The following XKR6 variants were observed in gnomAD, a reference collection of about 807,000 sequenced individuals.
The protein encoded by XKR6 is XK related 6, also known as XK-related protein 6.
Under a neutral mutation model 56.7 loss-of-function variants are expected in XKR6, and 22 were observed. The ratio of observed to expected loss-of-function variants is 0.39; its 90% CI spans 0.28 to 0.55. The LOEUF (loss-of-function observed/expected upper bound fraction) is 0.55. XKR6 is among the 20% of genes least tolerant of loss of function. The pLI is 0.66. For synonymous variants in XKR6, 524 were observed against 387.8 expected (o/e 1.35, Z -4.13); for missense variants, 852 against 889.0 (o/e 0.96, Z 0.53).
intron 1 of XKR6, among the ~76,000 whole-genome samples, chr8:11,116,900 T>C (rs1799204269): frequency 6.6e-6 from 1 of 152,138 alleles, no homozygotes; most frequent in Admixed American, 6.6e-5. Flanking sequence ...TTTAGGCCTT[T>C]GATGATAAAA....
intron 1 of XKR6, among the ~76,000 whole-genome samples, chr8:11,165,636 T>C (rs1802035833): frequency 6.6e-6 from 1 of 152,162 alleles, no homozygotes; most frequent in African/African-American, 2.4e-5. Flanking sequence ...TCAAAATAAA[T>C]GCAGTGTATT....
chr8:10,983,468 T>C (rs1230838839), intron 1 of XKR6, among the ~76,000 whole-genome samples: 5 of 151,856 alleles, frequency 3.3e-5, no homozygotes, highest in Admixed American at 1.3e-4. Context: ...AACCAACCTC[T>C]GGAAAGATAG....
At chr8:11,173,400 TATATATATACATA>T (rs1411294900) in intron 1 of XKR6, among the ~76,000 whole-genome samples, 2 of 150,014 alleles carry the variant, frequency 1.3e-5, no homozygotes, top group Non-Finnish European at 3.0e-5. Flanking sequence ...TATATATACA[TATATATATACATA>T]TACATATATA....
At chr8:10,977,351 T>G (rs1056359191) in intron 1 of XKR6, among the ~76,000 whole-genome samples, 1 of 151,994 alleles carries the variant, frequency 6.6e-6, no homozygotes, top group Non-Finnish European at 1.5e-5. Flanking sequence ...GGTGGCCAAC[T>G]GGAGAATACA....
chr8:11,035,126 C>T, intron 1 of XKR6: 1 of 507,740 alleles, frequency 2.0e-6, no homozygotes, highest in Non-Finnish European at 4.1e-6. Context: ...TAAAGGGCTG[C>T]CATGAGGTCG....
chr8:10,908,930 C>T (rs1407870249), intron 2 of XKR6, among the ~76,000 whole-genome samples: 2 of 152,106 alleles, frequency 1.3e-5, no homozygotes, highest in African/African-American at 2.4e-5. Context: ...TTTGGGAGGC[C>T]GAGGTGGGCA....
intron 1 of XKR6, among the ~76,000 whole-genome samples, chr8:11,181,760 T>C (rs1046432706): frequency 6.6e-6 from 1 of 152,214 alleles, no homozygotes; most frequent in South Asian, 2.1e-4. Context: ...ACTTACTATA[T>C]GCATCAAGCA....
At chr8:11,142,017 A>G (rs1371080328) in intron 1 of XKR6, among the ~76,000 whole-genome samples, 1 of 150,252 alleles carries the variant, frequency 6.7e-6, no homozygotes, top group Non-Finnish European at 1.5e-5. Context: ...TTTATATACT[A>G]CATTCCAAAA....
chr8:11,104,376 T>TCCTTGACACAGTATATATACAGC (rs1435318673), intron 1 of XKR6, among the ~76,000 whole-genome samples: 1 of 152,260 alleles, frequency 6.6e-6, no homozygotes, highest in Non-Finnish European at 1.5e-5. Context: ...GGAAATTTTC[T>TCCTTGACACAGTATATATACAGC]CCTTGACACA....
intron 1 of XKR6, among the ~76,000 whole-genome samples, chr8:11,195,802 C>A (rs1380235204): frequency 6.6e-6 from 1 of 151,896 alleles, no homozygotes; most frequent in Non-Finnish European, 1.5e-5. Context: ...GCGCCCGCCA[C>A]CACGCCCGGC....
At chr8:11,056,268 G>A (rs773097828) in intron 1 of XKR6, among the ~76,000 whole-genome samples, 10 of 152,210 alleles carry the variant, frequency 6.6e-5, no homozygotes, top group Admixed American at 1.3e-4. Context: ...TTATTTATGC[G>A]TTTACTGGGA....
At chr8:11,038,404 G>T (rs1218027805) in intron 1 of XKR6, among the ~76,000 whole-genome samples, 1 of 152,166 alleles carries the variant, frequency 6.6e-6, no homozygotes, top group Non-Finnish European at 1.5e-5. Flanking sequence ...TTAAATCAGA[G>T]AGCAGGGACA....
At position 11,191,330 on chromosome 8, in the gene XKR6, C is replaced by T. The variant is rs147564040; in HGVS notation, c.764+9246G>A. Among the ~76,000 whole-genome samples, 5 of 152,192 alleles carry T rather than the reference C, an allele frequency of 3.3e-5. No individual in the cohort carries two copies. The East Asian group carries it at 5.8e-4, about 18-fold the overall frequency. ...AAAGACACTAAAACCATAAGGTAAACGGTATTTAGGAAAAGAGACACTGAT... is the reference window on the plus strand; with the variant it reads ...AAAGACACTAAAACCATAAGGTAAATGGTATTTAGGAAAAGAGACACTGAT... On this transcript the variant is annotated intron_variant, in intron 1 of 2. Coordinates refer to ENST00000416569, the MANE Select transcript of XKR6 (RefSeq NM_173683.4).
At chr8:11,033,135 G>C (rs575774054) in intron 1 of XKR6, among the ~76,000 whole-genome samples, 2 of 152,092 alleles carry the variant, frequency 1.3e-5, no homozygotes, top group African/African-American at 4.8e-5. Flanking sequence ...TGGTAATGAT[G>C]ATGATGGTAA....
intron 1 of XKR6, among the ~76,000 whole-genome samples, chr8:11,060,547 T>C (rs7823450): frequency 0.012 from 1,902 of 152,276 alleles, 41 homozygotes; most frequent in African/African-American, 0.042. Flanking sequence ...TACATGATTA[T>C]TGGTCTGTTT....
chr8:11,156,910 G>A (rs1292160201), intron 1 of XKR6, among the ~76,000 whole-genome samples: 2 of 152,070 alleles, frequency 1.3e-5, no homozygotes, highest in African/African-American at 4.8e-5. Flanking sequence ...CAAGGAAGAT[G>A]GGGGAAAAGG....
intron 1 of XKR6, chr8:11,108,418 G>A (rs895741347): frequency 1.4e-5 from 6 of 438,020 alleles, no homozygotes; most frequent in African/African-American, 6.1e-5. Flanking sequence ...GTCACACTTA[G>A]GGAGAAAATC....
chr8:10,920,356 T>A (rs1457253260), intron 2 of XKR6, among the ~76,000 whole-genome samples: 3 of 152,112 alleles, frequency 2.0e-5, no homozygotes, highest in African/African-American at 4.8e-5. Context: ...CAACTCTCTA[T>A]GATAGGTACT....
At chr8:11,104,088 C>T (rs150453531) in intron 1 of XKR6, among the ~76,000 whole-genome samples, 20 of 152,324 alleles carry the variant, frequency 1.3e-4, no homozygotes, top group Admixed American at 5.2e-4. Context: ...GTCTGCCTCA[C>T]TAATCATAGC....
Sources: allele counts gnomAD v4.1 joint callset (sites outside exome capture counted in the v4.1 genomes callset), GRCh38; gene constraint gnomAD v4.1.1; transcripts MANE v1.5; gene names NCBI Gene and HGNC (gene_info 2026-07-23, HGNC 2026-07-21).